Variants in ADCY6 observed in about 807,000 individuals in gnomAD.
ADCY6 encodes the protein adenylate cyclase 6, also known as adenylate cyclase type 6.
Under a neutral mutation model 111.6 loss-of-function variants are expected in ADCY6, and 59 were observed. That is an observed-to-expected ratio of 0.53 (90% confidence interval 0.43 to 0.66). ADCY6 has a LOEUF of 0.66. Ranked by LOEUF, ADCY6 falls within the 30% of genes least tolerant of loss-of-function variation. The pLI, the probability that ADCY6 is intolerant of heterozygous loss-of-function variation, is 0.00. For missense variants in ADCY6, 1,242 were observed against 1,595.6 expected (o/e 0.78, Z 3.78); for synonymous variants, 576 against 642.9 (o/e 0.90, Z 1.57).
intron 2 of ADCY6, among the ~76,000 whole-genome samples, chr12:48,780,296 T>C (rs542412153): frequency 2.2e-4 from 34 of 152,026 alleles, no homozygotes; most frequent in Non-Finnish European, 4.0e-4. Context: ...TATGTCTAAA[T>C]GAGTGGGTCG....
At position 48,771,974 on chromosome 12, in the gene ADCY6, C is replaced by T; in HGVS notation, c.2788-1G>A. The T allele has an allele frequency of 6.2e-7, 1 of 1,605,574 alleles. No individual in the cohort carries two copies. Among genetic ancestry groups the T allele is most frequent in the Non-Finnish European group, 8.5e-7 (1 of 1,175,156 alleles). On this transcript the variant is annotated splice_acceptor_variant, in intron 18 of 21. Transcript: ENST00000357869. LOFTEE classifies it high-confidence loss of function. This position sits in a 1 kb window ranked among gnomAD's most constrained non-coding sequence, Gnocchi z 4.3. ...CCATCTCCTCCTTCTCCCCTGTTGC[C>T]TGTGGACACCACACCCATCACCCAT...
intron 1 of ADCY6, chr12:48,783,824 T>A (rs1312808466): frequency 4.5e-6 from 1 of 219,854 alleles, no homozygotes; most frequent in Admixed American, 5.2e-5. Context: ...GTGGCTCACG[T>A]CCGTAATCCC....
intron 9 of ADCY6, 70 bp from the exon 10 acceptor site, chr12:48,775,768 C>T (rs907042092): frequency 1.9e-6 from 3 of 1,567,038 alleles, no homozygotes; most frequent in African/African-American, 1.4e-5. Context: ...CTCCTTCCCC[C>T]ACCCCAACAC....
rs771320108 is a variant in ADCY6 at position 48,768,566 on chromosome 12, CAGCTGAAT to C, written c.*17_*24del. 3.2e-5 allele frequency: 51 copies of C among 1,614,026 alleles called. No individual in the cohort carries two copies. The highest frequency in any genetic ancestry group is 4.1e-5 in the Non-Finnish European group (48 of 1,180,020). ...CACTCAATGCCCACCTTGGTCCCTT[CAGCTGAAT>C]TTGTGGCTGGGCCCTGTTAACTGCT... On this transcript the variant is annotated 3_prime_UTR_variant, in exon 22 of 22. Coordinates refer to ENST00000357869, the MANE Select transcript of ADCY6 (RefSeq NM_015270.5).
At position 48,774,455 on chromosome 12, in the gene ADCY6, C is replaced by T. The variant is rs370980658; in HGVS notation, c.2230G>A (p.Ala744Thr). ...SIVRSRAHSTAVGIFSVLLVF... is the reference protein window; with the variant it reads ...SIVRSRAHSTTVGIFSVLLVF... ...AGCAGGACGGAAAAGATGCCAACTG[C>T]GGTGCTATGTGCCCGTGAGCGGACA... The change falls in exon 14 of 22, where the codon GCA (alanine) becomes ACA (threonine). Residue 744 changes from alanine (A) to threonine (T), a missense_variant. By Grantham distance (58) the Ala-to-Thr change is moderately conservative. Transcript: ENST00000357869. 11 of 1,613,824 alleles carry T rather than the reference C, an allele frequency of 6.8e-6. No individual in the cohort carries two copies. Among genetic ancestry groups the T allele is most frequent in the African/African-American group, 4.0e-5 (3 of 74,822 alleles).
At chr12:48,784,419 CCAGATTTGT>C (rs1473423793) in intron 1 of ADCY6, among the ~76,000 whole-genome samples, 6 of 152,052 alleles carry the variant, frequency 3.9e-5, no homozygotes, top group Non-Finnish European at 8.8e-5. Context: ...CGATTCTAAA[CCAGATTTGT>C]CTGACCCCAA....
Position 48,778,129 on chromosome 12 carries a change from C to G in ADCY6, c.993G>C (p.Leu331=), listed in dbSNP as rs763940017. The G allele has an allele frequency of 1.2e-6, 2 of 1,612,144 alleles. No individual in the cohort carries two copies. The highest frequency in any genetic ancestry group is 4.5e-5 in the East Asian group (2 of 44,842). Residue 331 remains leucine, a synonymous_variant, in exon 3 of 22, where the codon CTG becomes CTC. Transcript: ENST00000357869. The part of the protein sequence containing the change: ...TRGYIQARLH[L]QHENRQQERL... ...CCACCTGCTGCCGATTCTCATGCTG[C>G]AGGTGGAGCCGGGCCTGGATGTAAC...
In ADCY6 at chr12:48,777,988, G is replaced by T; in HGVS notation, c.1014+120C>A. 1.4e-6 allele frequency: 2 copies of T among 1,405,574 alleles called. No homozygotes were observed. The highest frequency in any genetic ancestry group is 1.9e-6 in the Non-Finnish European group (2 of 1,041,760). The allele number at this position is 1,405,574 out of a possible 1,614,324, so 87.1% of individuals were successfully genotyped here. ...CCCAGTATCACAGGGCCTCTGTGAC[G>T]CACAACCCAGGGGAACCATCACACT... On this transcript the variant is annotated intron_variant, in intron 3 of 21. Coordinates refer to ENST00000357869, the MANE Select transcript of ADCY6 (RefSeq NM_015270.5). The surrounding 1 kb of genome is among the most constrained non-coding windows in gnomAD (Gnocchi z 4.9).
intron 1 of ADCY6, among the ~76,000 whole-genome samples, chr12:48,785,011 C>T (rs1306195913): frequency 6.6e-6 from 1 of 152,152 alleles, no homozygotes; most frequent in Non-Finnish European, 1.5e-5. Flanking sequence ...CACAGGCCAG[C>T]CTGGGACCTC....
At chr12:48,775,896 G>A in intron 9 of ADCY6, 67 bp downstream of exon 9, 1 of 1,553,344 alleles carries the variant, frequency 6.4e-7, no homozygotes, top group Non-Finnish European at 8.7e-7. Context: ...AAAGGACAGG[G>A]TCAGGGACAG....
At position 48,774,699 on chromosome 12, in the gene ADCY6, A is replaced by C; in HGVS notation, c.2158T>G (p.Cys720Gly). ...GAAATCCCCTTACGTACAGAACCAC[A>C]GGAGTACACAGCACAGATCAGCACG... ...ITVLICAVYSCGSLFPKALQR... is the reference protein window; with the variant it reads ...ITVLICAVYSGGSLFPKALQR... The change falls in exon 13 of 22, where the codon TGT becomes GGT. Residue 720 changes from cysteine (C) to glycine (G), a missense_variant. Coordinates refer to ENST00000357869, the MANE Select transcript of ADCY6 (RefSeq NM_015270.5). The C allele has an allele frequency of 6.2e-7, 1 of 1,614,050 alleles. No homozygotes were observed. The highest frequency in any genetic ancestry group is 1.1e-5 in the South Asian group (1 of 91,086).
rs1279831197 is a variant in ADCY6, at chr12:48,771,303, T to C, written c.3052-333A>G. The stretch of plus-strand genomic sequence containing the variant: ...AGCAAGTGACTTCCCTCCAGAACAG[T>C]GAACAGCCCATTCCTGATCTGGATG... On this transcript the variant is annotated intron_variant, in intron 19 of 21. Coordinates refer to ENST00000357869, the MANE Select transcript of ADCY6 (RefSeq NM_015270.5). This position sits in a 1 kb window ranked among gnomAD's most constrained non-coding sequence, Gnocchi z 4.3. The C allele has an allele frequency of 6.2e-6, 3 of 481,334 alleles. No homozygotes were observed. Among genetic ancestry groups the C allele is most frequent in the Non-Finnish European group, 1.1e-5 (3 of 262,976 alleles). The allele number at this position is 481,334 out of a possible 1,614,324, so 29.8% of individuals were successfully genotyped here.
At position 48,775,693 on chromosome 12, in the gene ADCY6, A is replaced by G. The variant is rs1327791368; in HGVS notation, c.1812T>C (p.Ile604=). The G allele has an allele frequency of 1.2e-6, 2 of 1,613,438 alleles. No homozygotes were observed. The highest frequency in any genetic ancestry group is 1.7e-5 in the Admixed American group (1 of 59,998). ...CTTACTTGTCTTTGCTGGAATCATC[A>G]ATGCCCTGGAGAAAGGGACAGAGTG... ...KDSKAFRQMG[I]DDSSKDNRGT... The change falls in exon 10 of 22, where the codon ATT becomes ATC. Residue 604 remains isoleucine, a synonymous_variant. Transcript: ENST00000357869.
chr12:48,775,787 G>A (rs1308542954), intron 9 of ADCY6, 89 bp from the exon 10 acceptor site: 3 of 1,540,106 alleles, frequency 1.9e-6, no homozygotes, highest in Non-Finnish European at 2.7e-6. Context: ...ACTGTGCTGA[G>A]GGTGTCCCCG....
Position 48,773,592 on chromosome 12 carries a change from A to C in ADCY6, c.2498T>G (p.Ile833Ser). The change falls in exon 16 of 22, where the codon ATC becomes AGC. Residue 833 changes from isoleucine (I) to serine (S), a missense_variant. By Grantham distance (142) the Ile-to-Ser change is moderately radical. Transcript: ENST00000357869. ...CATGGCCAACTTCCCGATGCTGCTG[A>C]TGTGCAGGAAGACAGAGCTGGCCAA... ...SLLASSVFLH[I>S]SSIGKLAMIF... 1 of 1,614,146 alleles carries C rather than the reference A, an allele frequency of 6.2e-7. No individual in the cohort carries two copies. Among genetic ancestry groups the C allele is most frequent in the Non-Finnish European group, 8.5e-7 (1 of 1,180,016 alleles).
chr12:48,782,795 C>T lies in ADCY6; in HGVS notation c.640G>A (p.Val214Met), dbSNP rs756513300. 34 of 1,613,756 alleles carry T rather than the reference C, an allele frequency of 2.1e-5. No individual in the cohort carries two copies. The East Asian group carries it at 2.9e-4, about 14-fold the overall frequency. ...RQDSMWVVSY[V>M]VLGILAAVQV... ...ACTGCCGCCAGGATGCCCAGCACCA[C>T]GTAGCTCACCACCCACATGGAGTCC... is the stretch of plus-strand genomic sequence containing the variant. The change falls in exon 2 of 22, where the codon GTG (valine) becomes ATG (methionine). Residue 214 changes from valine (V) to methionine (M), a missense_variant. Physicochemically the swap from Val to Met is conservative, Grantham distance 21 (BLOSUM62 1). Transcript: ENST00000357869. This position sits in a 1 kb window ranked among gnomAD's most constrained non-coding sequence, Gnocchi z 4.3.
At chr12:48,787,051 A>T (rs1019804407) in intron 1 of ADCY6, among the ~76,000 whole-genome samples, 3 of 152,252 alleles carry the variant, frequency 2.0e-5, no homozygotes, top group African/African-American at 7.2e-5. Flanking sequence ...TGAGGAAATC[A>T]TGAGCAAGAA....
intron 18 of ADCY6, 72 bp downstream of exon 18, chr12:48,772,223 A>C: frequency 6.5e-7 from 1 of 1,536,514 alleles, no homozygotes; most frequent in Non-Finnish European, 8.7e-7. Flanking sequence ...AGCTAGCACA[A>C]GATACATTTC....
intron 1 of ADCY6, among the ~76,000 whole-genome samples, chr12:48,784,667 T>TA (rs1555166521): frequency 8.0e-6 from 1 of 125,140 alleles, no homozygotes; most frequent in Non-Finnish European, 1.7e-5. Context: ...AATCTGGAGT[T>TA]TTTTTTTTTT....
Sources: allele counts gnomAD v4.1 joint callset (sites outside exome capture counted in the v4.1 genomes callset), GRCh38; gene constraint gnomAD v4.1.1; non-coding constraint Gnocchi (gnomAD v3.1); transcripts MANE v1.5; gene names NCBI Gene and HGNC (gene_info 2026-07-23, HGNC 2026-07-21).